Variants in QTMAN observed in about 807,000 individuals in gnomAD.
QTMAN encodes queuosine-tRNA mannosyltransferase.
the QTMAN span, among the ~76,000 whole-genome samples, chr2:144,176,204 T>C: frequency 6.6e-6 from 1 of 152,182 alleles, no homozygotes; most frequent in South Asian, 2.1e-4. Context: ...TTACGGTTCA[T>C]TATTAATAAA....
the QTMAN span, among the ~76,000 whole-genome samples, chr2:144,058,857 G>C: frequency 2.6e-5 from 4 of 152,114 alleles, no homozygotes; most frequent in Non-Finnish European, 5.9e-5. Context: ...AAGTTTCAAA[G>C]AGTCTCCTCA....
the QTMAN span, chr2:144,011,640 TAAA>T: frequency 4.0e-3 from 3,489 of 867,766 alleles, no homozygotes; most frequent in Non-Finnish European, 4.3e-3. Context: ...TCTATGCTAG[TAAA>T]AAAAAAAAAA....
chr2:144,005,681 C>T, the QTMAN span: 172 of 152,166 alleles, frequency 1.1e-3, 1 homozygote, highest in African/African-American at 3.9e-3. Flanking sequence ...AATGCTGCAT[C>T]TCTTTAAGCA....
the QTMAN span, among the ~76,000 whole-genome samples, chr2:143,953,814 AT>A: frequency 1.0e-3 from 152 of 151,992 alleles, no homozygotes; most frequent in African/African-American, 3.5e-3. Context: ...TGAACTGCAG[AT>A]TTTTTTCAAC....
the QTMAN span, among the ~76,000 whole-genome samples, chr2:144,133,150 T>TATATATATAA: frequency 2.6e-5 from 1 of 38,482 alleles, no homozygotes; most frequent in South Asian, 6.2e-4. Flanking sequence ...TATATATATA[T>TATATATATAA]AATATAATAT....
At chr2:144,046,033 C>T in the QTMAN span, among the ~76,000 whole-genome samples, 1 of 152,204 alleles carries the variant, frequency 6.6e-6, no homozygotes, top group Non-Finnish European at 1.5e-5. Context: ...CTAAAGGAGA[C>T]TATCTCCCAA....
the QTMAN span, among the ~76,000 whole-genome samples, chr2:143,988,143 A>C: frequency 2.0e-5 from 3 of 152,222 alleles, no homozygotes; most frequent in Non-Finnish European, 4.4e-5. Context: ...TACTAAAAGC[A>C]AGCTTGCTGT....
At chr2:144,177,020 G>C in the QTMAN span, 1 of 631,150 alleles carries the variant, frequency 1.6e-6, no homozygotes, top group Non-Finnish European at 2.9e-6. Context: ...GAGAGAGAGT[G>C]GTGGGAGGTG....
At chr2:144,201,463 T>A in the QTMAN span, among the ~76,000 whole-genome samples, 6 of 152,232 alleles carry the variant, frequency 3.9e-5, no homozygotes, top group Non-Finnish European at 8.8e-5. Context: ...AGCAACCCTG[T>A]GCATACTCTG....
At chr2:144,091,337 A>T in the QTMAN span, among the ~76,000 whole-genome samples, 1 of 152,198 alleles carries the variant, frequency 6.6e-6, no homozygotes, top group Non-Finnish European at 1.5e-5. Flanking sequence ...ACCTGGGAGA[A>T]AATGTGTATG....
At chr2:144,129,740 A>G in the QTMAN span, among the ~76,000 whole-genome samples, 1 of 152,036 alleles carries the variant, frequency 6.6e-6, no homozygotes, top group African/African-American at 2.4e-5. Flanking sequence ...CACCTTAATT[A>G]AAAAGAATTA....
At chr2:144,260,596 T>C in the QTMAN span, among the ~76,000 whole-genome samples, 1 of 152,208 alleles carries the variant, frequency 6.6e-6, no homozygotes, top group Non-Finnish European at 1.5e-5. Context: ...ATTCATTCAC[T>C]CATTTATTCA....
At chr2:144,126,285 TA>T in the QTMAN span, among the ~76,000 whole-genome samples, 42 of 144,580 alleles carry the variant, frequency 2.9e-4, no homozygotes, top group Middle Eastern at 3.5e-3. Flanking sequence ...CTTGTGAACT[TA>T]AAAAAAAAAA....
chr2:143,960,920 C>T, the QTMAN span, among the ~76,000 whole-genome samples: 64 of 152,184 alleles, frequency 4.2e-4, no homozygotes, highest in African/African-American at 1.4e-3. Context: ...AATCCCCTTG[C>T]GGGTGGGAAT....
At chr2:144,122,689 T>C in the QTMAN span, among the ~76,000 whole-genome samples, 2 of 152,182 alleles carry the variant, frequency 1.3e-5, no homozygotes, top group Non-Finnish European at 2.9e-5. Flanking sequence ...CTCCATGCAA[T>C]TATCTACATG....
At chr2:144,222,866 A>G in the QTMAN span, among the ~76,000 whole-genome samples, 2 of 152,220 alleles carry the variant, frequency 1.3e-5, no homozygotes, top group East Asian at 1.9e-4. Context: ...TGTATTGCAC[A>G]TGTTAAAAAA....
At chr2:144,299,131 T>A in the QTMAN span, among the ~76,000 whole-genome samples, 221 of 152,302 alleles carry the variant, frequency 1.5e-3, 1 homozygote, top group African/African-American at 5.2e-3. Context: ...GAGTCAAGCA[T>A]CAATATCCTG....
At chr2:144,043,289 T>C in the QTMAN span, among the ~76,000 whole-genome samples, 4 of 152,048 alleles carry the variant, frequency 2.6e-5, no homozygotes, top group East Asian at 5.8e-4. Flanking sequence ...CATATATATA[T>C]ATATGTGTTG....
the QTMAN span, among the ~76,000 whole-genome samples, chr2:144,043,611 C>A: frequency 6.8e-6 from 1 of 146,538 alleles, no homozygotes; most frequent in South Asian, 2.1e-4. Flanking sequence ...CCAGTCTGGG[C>A]AATAGAATAA....
Sources: allele counts gnomAD v4.1 joint callset (sites outside exome capture counted in the v4.1 genomes callset), GRCh38; gene constraint gnomAD v4.1.1; transcripts MANE v1.5; gene names NCBI Gene and HGNC (gene_info 2026-07-23, HGNC 2026-07-21).